The following ACAD11 variants were observed in gnomAD, a reference collection of about 807,000 sequenced individuals.
ACAD11 encodes the protein acyl-CoA dehydrogenase family member 11.
ACAD11 carries 83 observed loss-of-function variants against 102.2 expected under a neutral mutation model. The observed-to-expected ratio is 0.81, with a 90% CI of 0.68 to 0.97. The LOEUF is 0.97. Ranked by LOEUF, ACAD11 falls within the 50% of genes least tolerant of loss-of-function variation. The probability of loss-of-function intolerance (pLI) is 0.00; values close to 1 mark genes in which losing one functional copy is unlikely to be tolerated. For synonymous variants in ACAD11, 324 were observed against 319.8 expected, an observed-to-expected ratio of 1.01 and a Z score of -0.14; for missense variants, 901 against 951.7, an observed-to-expected ratio of 0.95 and a Z score of 0.70.
chr3:132,610,588 T>A (rs1271057038), intron 11 of ACAD11, among the ~76,000 whole-genome samples: 2 of 152,182 alleles, frequency 1.3e-5, no homozygotes, highest in African/African-American at 4.8e-5. Flanking sequence ...GAGAATACTA[T>A]GAACACCTCT....
chr3:132,584,198 C>T (rs1378328248), intron 13 of ACAD11, among the ~76,000 whole-genome samples: 1 of 152,154 alleles, frequency 6.6e-6, no homozygotes, highest in Non-Finnish European at 1.5e-5. Flanking sequence ...GAGTCTAAGT[C>T]TCTTTGTAGG....
intron 1 of ACAD11, among the ~76,000 whole-genome samples, chr3:132,650,695 A>G (rs1309103966): frequency 1.3e-5 from 2 of 152,176 alleles, no homozygotes; most frequent in Non-Finnish European, 2.9e-5. Flanking sequence ...AGTCCAGACT[A>G]CTTAACTTAG....
intron 13 of ACAD11, among the ~76,000 whole-genome samples, chr3:132,593,113 T>A (rs1938149958): frequency 6.6e-6 from 1 of 151,740 alleles, no homozygotes; most frequent in Non-Finnish European, 1.5e-5. Context: ...GAGAAAGGAT[T>A]TTAAAACTTA....
chr3:132,617,784 G>A (rs1212320628), intron 11 of ACAD11, among the ~76,000 whole-genome samples: 1 of 152,092 alleles, frequency 6.6e-6, no homozygotes, highest in Admixed American at 6.6e-5. Flanking sequence ...TGAGGCCCTT[G>A]CCTCTCTGAT....
intron 11 of ACAD11, among the ~76,000 whole-genome samples, chr3:132,617,463 C>T (rs1939451101): frequency 6.6e-6 from 1 of 152,120 alleles, no homozygotes. Context: ...TTGACTCTTC[C>T]ATTAATACCC....
At chr3:132,624,893 C>T (rs1348027187) in intron 9 of ACAD11, among the ~76,000 whole-genome samples, 1 of 151,986 alleles carries the variant, frequency 6.6e-6, no homozygotes, top group Non-Finnish European at 1.5e-5. Context: ...CCATGTTGCC[C>T]AGGCTGGTCT....
At chr3:132,581,469 A>G (rs1018861856) in intron 13 of ACAD11, among the ~76,000 whole-genome samples, 2 of 152,008 alleles carry the variant, frequency 1.3e-5, no homozygotes, top group African/African-American at 4.8e-5. Context: ...GCATCAAAGT[A>G]TGCCTAAAGG....
intron 11 of ACAD11, among the ~76,000 whole-genome samples, chr3:132,606,812 C>T (rs1938859175): frequency 6.6e-6 from 1 of 152,240 alleles, no homozygotes; most frequent in African/African-American, 2.4e-5. Flanking sequence ...AAGTGGGTCC[C>T]TGACCCCCGT....
chr3:132,642,917 A>T, intron 2 of ACAD11, 115 bp from the exon 3 acceptor site: 1 of 1,030,638 alleles, frequency 9.7e-7, no homozygotes, highest in Non-Finnish European at 1.4e-6. Context: ...AACAGTATCA[A>T]CACAAACTCC....
chr3:132,589,323 G>A (rs1053449439), intron 13 of ACAD11, among the ~76,000 whole-genome samples: 4 of 152,202 alleles, frequency 2.6e-5, no homozygotes, highest in African/African-American at 9.7e-5. Flanking sequence ...AATGGCAGAT[G>A]ACAATACTTA....
In ACAD11 at chr3:132,580,850, G is replaced by A. The variant is rs552324570; in HGVS notation, c.1622-1292C>T. 2.5e-4 allele frequency among the ~76,000 whole-genome samples: 38 copies of A among 152,012 alleles called. 1 individual carries two copies. The South Asian group carries it at 5.2e-3, about 21-fold the overall frequency. ...ATAGAAAACCAAGAATCTGTAGTAT[G>A]TAAAAAGAACCTGCAATATTAAAGA... is the stretch of plus-strand genomic sequence containing the variant. On this transcript the variant is annotated intron_variant, in intron 13 of 19. Coordinates refer to ENST00000264990, the MANE Select transcript of ACAD11 (RefSeq NM_032169.5).
intron 12 of ACAD11, 35 bp downstream of exon 12, chr3:132,605,063 G>T: frequency 1.3e-6 from 2 of 1,501,476 alleles, no homozygotes; most frequent in South Asian, 2.3e-5. Flanking sequence ...CGGGACGACT[G>T]ACTACACAAG....
chr3:132,625,726 T>C (rs1392369189), intron 9 of ACAD11, among the ~76,000 whole-genome samples: 1 of 152,206 alleles, frequency 6.6e-6, no homozygotes, highest in African/African-American at 2.4e-5. Flanking sequence ...TACAAACACA[T>C]ATCAGCTCTG....
intron 14 of ACAD11, chr3:132,579,189 A>G: frequency 2.4e-6 from 2 of 829,548 alleles, no homozygotes; most frequent in South Asian, 3.8e-5. Context: ...TAAACATCTA[A>G]TCACTTCATT....
intron 1 of ACAD11, among the ~76,000 whole-genome samples, chr3:132,647,656 G>C (rs1441927405): frequency 6.6e-6 from 1 of 152,126 alleles, no homozygotes. Context: ...TTCCCCCTTG[G>C]TGACAGCTCA....
intron 11 of ACAD11, 56 bp downstream of exon 11, chr3:132,618,578 T>C (rs1299649263): frequency 2.1e-6 from 3 of 1,426,666 alleles, no homozygotes; most frequent in Non-Finnish European, 2.8e-6. Context: ...TATATAGAAA[T>C]TTTAAACACT....
intron 11 of ACAD11, among the ~76,000 whole-genome samples, chr3:132,609,918 AGCTTATCCACCACAATCAAGTTG>A (rs984594917): frequency 6.6e-6 from 1 of 152,190 alleles, no homozygotes. Context: ...CACATCAAAA[AGCTTATCCACCACAATCAAGTTG>A]GCTTCATCCC....
Position 132,639,538 on chromosome 3 carries a change from A to G in ACAD11, c.656T>C (p.Ile219Thr). The G allele has an allele frequency of 6.2e-7, 1 of 1,614,002 alleles. No individual in the cohort carries two copies. The highest frequency in any genetic ancestry group is 8.5e-7 in the Non-Finnish European group (1 of 1,179,964). ...LPDNDNEENL[I>T]HGDFRLDNIV... ...GTTATCTAGTCTGAAATCTCCATGA[A>G]TCAAATTCTCTTCATTGTCATTATC... is the stretch of plus-strand genomic sequence containing the variant. Residue 219 changes from isoleucine to threonine, a missense_variant, in exon 5 of 20, where the codon ATT becomes ACT. Physicochemically the swap from Ile to Thr is moderately conservative, Grantham distance 89 (BLOSUM62 -1). Coordinates refer to ENST00000264990, the MANE Select transcript of ACAD11 (RefSeq NM_032169.5).
chr3:132,579,076 T>C, intron 14 of ACAD11, 195 bp from the exon 15 acceptor site: 3 of 1,488,112 alleles, frequency 2.0e-6, no homozygotes, highest in Non-Finnish European at 2.7e-6. Context: ...AAACAATGAT[T>C]TGAAAATAAA....
Sources: allele counts gnomAD v4.1 joint callset (sites outside exome capture counted in the v4.1 genomes callset), GRCh38; gene constraint gnomAD v4.1.1; transcripts MANE v1.5; gene names NCBI Gene and HGNC (gene_info 2026-07-23, HGNC 2026-07-21).